The following MYO9A variants were observed in gnomAD, a reference collection of about 807,000 sequenced individuals.
MYO9A encodes myosin IXA, also known as unconventional myosin-IXa.
Under a neutral mutation model 293.3 loss-of-function variants are expected in MYO9A, and 103 were observed. That is an observed-to-expected ratio of 0.35 (90% CI 0.30 to 0.41). The LOEUF is 0.41. MYO9A is among the 10% of genes least tolerant of loss of function. The pLI, the probability that MYO9A is intolerant of heterozygous loss-of-function variation, is 1.00. For synonymous variants in MYO9A, 1,001 were observed against 1,035.7 expected, an observed-to-expected ratio of 0.97 and a Z score of 0.64; for missense variants, 2,685 against 3,033.0, an observed-to-expected ratio of 0.89 and a Z score of 2.69.
At chr15:71,967,210 A>G (rs2075899871) in intron 13 of MYO9A, among the ~76,000 whole-genome samples, 1 of 152,206 alleles carries the variant, frequency 6.6e-6, no homozygotes, top group Non-Finnish European at 1.5e-5. Flanking sequence ...TGTTATACAA[A>G]TAGATACACA....
chr15:71,988,878 A>C (rs185089864), intron 11 of MYO9A, among the ~76,000 whole-genome samples: 1 of 152,148 alleles, frequency 6.6e-6, no homozygotes, highest in African/African-American at 2.4e-5. Flanking sequence ...TGCACTAATA[A>C]TTTTCATGGA....
intron 29 of MYO9A, 119 bp downstream of exon 29, chr15:71,880,214 AAC>A: frequency 1.2e-6 from 1 of 862,066 alleles, no homozygotes; most frequent in Non-Finnish European, 1.8e-6. Flanking sequence ...TCTGGTAAAG[AAC>A]AGATCATCTA....
In MYO9A at chr15:71,822,709, G is replaced by A. The variant is rs2054322610; in HGVS notation, c.*3871C>T. On this transcript the variant is annotated 3_prime_UTR_variant, in exon 42 of 42. Transcript: ENST00000356056. ...GTAAATACAAATACTTGGTTCAAAA[G>A]GTGCAACTTTTATATGACCTCAGAG... 2 of 152,116 alleles carry A rather than the reference G, an allele frequency of 1.3e-5. No homozygotes were observed. The highest frequency in any genetic ancestry group is 4.8e-5 in the African/African-American group (2 of 41,406). 9.4% of individuals were successfully genotyped at this position (152,116 alleles called of 1,614,324 possible). A position where few individuals can be genotyped will look rare whatever the true frequency, so the allele number is the denominator to read the frequency against.
intron 19 of MYO9A, among the ~76,000 whole-genome samples, chr15:71,911,035 C>G (rs1435420204): frequency 6.6e-6 from 1 of 152,080 alleles, no homozygotes; most frequent in Non-Finnish European, 1.5e-5. Context: ...TTTAGAACTC[C>G]TCTATCACCC....
At chr15:72,060,960 G>A (rs534398919) in intron 1 of MYO9A, among the ~76,000 whole-genome samples, 6 of 152,202 alleles carry the variant, frequency 3.9e-5, no homozygotes, top group South Asian at 4.1e-4. Flanking sequence ...AAAGAGTCAC[G>A]TTGTCTTACA....
At chr15:72,021,105 G>T (rs542842662) in intron 4 of MYO9A, 88 bp from the exon 5 acceptor site, 3 of 749,002 alleles carry the variant, frequency 4.0e-6, no homozygotes, top group Non-Finnish European at 6.4e-6. Flanking sequence ...ACAGTAATTA[G>T]TAAAATGTAT....
intron 26 of MYO9A, chr15:71,893,359 C>T (rs2057233248): frequency 2.3e-6 from 1 of 430,608 alleles, no homozygotes; most frequent in African/African-American, 2.0e-5. Context: ...GTATACATTA[C>T]TCTGGATGAA....
chr15:71,956,786 A>G (rs1247398579), intron 14 of MYO9A, among the ~76,000 whole-genome samples: 1 of 150,144 alleles, frequency 6.7e-6, no homozygotes, highest in African/African-American at 2.4e-5. Flanking sequence ...TGTATGCTAT[A>G]TATGTATATA....
intron 37 of MYO9A, 81 bp from the exon 38 acceptor site, chr15:71,850,248 GC>G (rs1289785567): frequency 1.3e-6 from 2 of 1,506,400 alleles, no homozygotes; most frequent in East Asian, 4.6e-5. Flanking sequence ...GAAGAGATGA[GC>G]AAAAGAAGAC....
At chr15:71,915,824 G>T (rs2057993623) in intron 19 of MYO9A, among the ~76,000 whole-genome samples, 1 of 152,214 alleles carries the variant, frequency 6.6e-6, no homozygotes, top group South Asian at 2.1e-4. Flanking sequence ...GGAGATAGAT[G>T]ATTTGAGAAG....
rs1555490908 is a variant in MYO9A at position 71,956,328 on chromosome 15, A to ATTATATATATATATAT, written c.2182+3572_2182+3573insATATATATATATATAA. Among the ~76,000 whole-genome samples the ATTATATATATATATAT allele has an allele frequency of 2.6e-4, 4 of 15,174 alleles. 1 individual carries two copies. Among genetic ancestry groups the ATTATATATATATATAT allele is most frequent in the Non-Finnish European group, 3.8e-4 (2 of 5,236 alleles). The allele number at this position is 15,174 out of a possible 152,430, so 10.0% of individuals were successfully genotyped here. A position where few individuals can be genotyped will look rare whatever the true frequency, so the allele number is the denominator to read the frequency against. ...CGGCTCTTAAAAAAAAAAAAAAAAA[A>ATTATATATATATATAT]AAATATATATATATATATATATAAA... On this transcript the variant is annotated intron_variant, in intron 14 of 41. Transcript: ENST00000356056.
At chr15:71,929,729 A>C (rs1567284457) in intron 18 of MYO9A, among the ~76,000 whole-genome samples, 1 of 152,180 alleles carries the variant, frequency 6.6e-6, no homozygotes, top group Non-Finnish European at 1.5e-5. Flanking sequence ...ACAACAGCAA[A>C]GACTACTGTG....
intron 1 of MYO9A, among the ~76,000 whole-genome samples, chr15:72,070,461 A>G (rs1404179012): frequency 6.6e-6 from 1 of 152,068 alleles, no homozygotes; most frequent in Non-Finnish European, 1.5e-5. Context: ...TCAAAAAAAA[A>G]AAAAAAAGAA....
intron 28 of MYO9A, among the ~76,000 whole-genome samples, chr15:71,882,682 T>A (rs2056909649): frequency 6.6e-6 from 1 of 152,214 alleles, no homozygotes; most frequent in South Asian, 2.1e-4. Context: ...TGCTAGGTAC[T>A]GAAATATAGC....
chr15:71,852,921 G>A lies in MYO9A; in HGVS notation c.6347-661C>T, dbSNP rs373632509. ...GAAAGCAGCCTGGCCAACGTGGTGA[G>A]ACCTGTCTCTACTAAAAATATAAAA... On this transcript the variant is annotated intron_variant, in intron 35 of 41. Transcript: ENST00000356056. Among the ~76,000 whole-genome samples, 11 of 152,120 alleles carry A rather than the reference G, an allele frequency of 7.2e-5. No individual in the cohort carries two copies. In the East Asian group the frequency reaches 1.4e-3, roughly 19 times the overall value.
chr15:72,038,263 G>A (rs911145652), intron 2 of MYO9A, among the ~76,000 whole-genome samples: 7 of 152,010 alleles, frequency 4.6e-5, no homozygotes, highest in East Asian at 3.9e-4. Context: ...TATCCACCAC[G>A]AAAGACCATG....
Position 72,010,464 on chromosome 15 carries a change from A to G in MYO9A, c.1156-17T>C. The G allele has an allele frequency of 6.3e-7, 1 of 1,593,576 alleles. No homozygotes were observed. On this transcript the variant is annotated splice_polypyrimidine_tract_variant and intron_variant, in intron 6 of 41. Transcript: ENST00000356056. ...GAAGCAATCCTGCTTATTTAAAATA[A>G]AAGTTTAAAAATCAAGATTATATAT... is the stretch of plus-strand genomic sequence containing the variant.
intron 21 of MYO9A, among the ~76,000 whole-genome samples, chr15:71,903,663 T>C (rs937158050): frequency 3.9e-5 from 6 of 152,366 alleles, no homozygotes; most frequent in Middle Eastern, 3.4e-3. Context: ...AGAATTGTTA[T>C]ATCAGGAGTA....
intron 19 of MYO9A, among the ~76,000 whole-genome samples, chr15:71,906,750 ATTTC>A (rs201457144): frequency 1.1e-4 from 10 of 91,258 alleles, no homozygotes; most frequent in African/African-American, 4.2e-4. Flanking sequence ...GATAATATCC[ATTTC>A]TTTCTTTTTT....
Sources: allele counts gnomAD v4.1 joint callset (sites outside exome capture counted in the v4.1 genomes callset), GRCh38; gene constraint gnomAD v4.1.1; transcripts MANE v1.5; gene names NCBI Gene and HGNC (gene_info 2026-07-23, HGNC 2026-07-21).